The following PTPRK variants were observed in gnomAD, a reference collection of about 807,000 sequenced individuals.
PTPRK encodes the protein receptor-type tyrosine-protein phosphatase kappa.
A neutral mutation model predicts 178.0 loss-of-function variants in PTPRK; 75 were observed. The ratio of observed to expected loss-of-function variants is 0.42; its 90% CI spans 0.35 to 0.51. The LOEUF (loss-of-function observed/expected upper bound fraction) is 0.51, where lower values mean the gene tolerates loss of function less well. Among genes scored for constraint, PTPRK ranks in the 20% least tolerant of loss-of-function variants. PTPRK has a pLI of 0.02. For synonymous variants in PTPRK, 637 were observed against 620.6 expected, an observed-to-expected ratio of 1.03 and a Z score of -0.39; for missense variants, 1,441 against 1,797.8, an observed-to-expected ratio of 0.80 and a Z score of 3.59.
At chr6:128,056,164 C>A (rs1268114679) in intron 13 of PTPRK, among the ~76,000 whole-genome samples, 1 of 151,190 alleles carries the variant, frequency 6.6e-6, no homozygotes. Context: ...TTTGTTTTCC[C>A]CTCCCTCTTT....
intron 6 of PTPRK, among the ~76,000 whole-genome samples, chr6:128,198,524 G>T (rs1192532981): frequency 6.6e-6 from 1 of 152,120 alleles, no homozygotes; most frequent in South Asian, 2.1e-4. Context: ...CCTAATGTAG[G>T]TGATGGGTTG....
At chr6:128,338,109 T>C (rs1831186087) in intron 2 of PTPRK, among the ~76,000 whole-genome samples, 1 of 152,128 alleles carries the variant, frequency 6.6e-6, no homozygotes, top group Non-Finnish European at 1.5e-5. Flanking sequence ...GAGATGAAGG[T>C]TGCTATCATA....
Position 127,976,759 on chromosome 6 carries a change from C to A in PTPRK, c.3867G>T (p.Glu1289Asp), listed in dbSNP as rs199704388. ...LSQGCPQYWP[E>D]EGMLRYGPIQ... ...TGGGGCCATATCGTAGCATCCCTTC[C>A]TCTGGCCAGTACTGAGGGCAGCCCT... Residue 1289 changes from glutamate (E) to aspartate (D), a missense_variant, in exon 27 of 30, where the codon GAG (glutamate) becomes GAT (aspartate). Physicochemically the swap from Glu to Asp is conservative, Grantham distance 45. This residue lies in a region of PTPRK where 335 missense variants were observed against 512.4 expected (regional missense o/e 0.65). Coordinates refer to ENST00000368226, the MANE Select transcript of PTPRK (RefSeq NM_002844.4). 6.2e-7 allele frequency: 1 copy of A among 1,613,846 alleles called. No individual in the cohort carries two copies. The highest frequency in any genetic ancestry group is 8.5e-7 in the Non-Finnish European group (1 of 1,179,928).
intron 13 of PTPRK, among the ~76,000 whole-genome samples, chr6:128,034,999 C>T (rs1176402815): frequency 3.3e-5 from 5 of 152,228 alleles, no homozygotes; most frequent in Non-Finnish European, 2.9e-5. Context: ...TCCATTTATG[C>T]TGGTTAAAGA....
intron 1 of PTPRK, among the ~76,000 whole-genome samples, chr6:128,412,985 G>A (rs2128380546): frequency 6.6e-6 from 1 of 152,268 alleles, no homozygotes; most frequent in African/African-American, 2.4e-5. Context: ...AGAAACTGTT[G>A]GGAGAACAAG....
chr6:128,468,186 T>C (rs936932261), intron 1 of PTPRK, among the ~76,000 whole-genome samples: 2 of 152,184 alleles, frequency 1.3e-5, no homozygotes, highest in African/African-American at 4.8e-5. Flanking sequence ...GAAATCTTAG[T>C]TGATGATGGA....
chr6:128,044,498 C>T (rs1777717947), intron 13 of PTPRK, among the ~76,000 whole-genome samples: 1 of 151,898 alleles, frequency 6.6e-6, no homozygotes, highest in African/African-American at 2.4e-5. Context: ...CTCCTTCACA[C>T]TTAAAACACA....
chr6:128,493,418 T>C (rs530710055), intron 1 of PTPRK, among the ~76,000 whole-genome samples: 96 of 151,738 alleles, frequency 6.3e-4, no homozygotes, highest in Non-Finnish European at 1.0e-3. Flanking sequence ...AAAAATTAGC[T>C]GGGCATGGTG....
chr6:128,006,219 T>C (rs1778397873), intron 14 of PTPRK, among the ~76,000 whole-genome samples: 1 of 150,994 alleles, frequency 6.6e-6, no homozygotes, highest in Admixed American at 6.6e-5. Context: ...TCATGCATTG[T>C]TAGTTTTTTT....
At chr6:128,348,891 A>G (rs1463173303) in intron 2 of PTPRK, among the ~76,000 whole-genome samples, 2 of 152,112 alleles carry the variant, frequency 1.3e-5, no homozygotes, top group Non-Finnish European at 2.9e-5. Flanking sequence ...ATATGTAGGC[A>G]CCACAGCATA....
intron 13 of PTPRK, among the ~76,000 whole-genome samples, chr6:128,014,134 T>G (rs1779343711): frequency 2.0e-5 from 3 of 151,570 alleles, no homozygotes; most frequent in Admixed American, 2.0e-4. Flanking sequence ...ATCAGTTATC[T>G]CCTTAAAAAA....
At chr6:128,269,286 T>C (rs578156398) in intron 3 of PTPRK, among the ~76,000 whole-genome samples, 1 of 152,064 alleles carries the variant, frequency 6.6e-6, no homozygotes, top group East Asian at 1.9e-4. Context: ...ATCTGTAATA[T>C]GTCAGGCACT....
chr6:128,069,410 A>G (rs1233957080), intron 11 of PTPRK, among the ~76,000 whole-genome samples: 2 of 152,172 alleles, frequency 1.3e-5, no homozygotes, highest in African/African-American at 4.8e-5. Flanking sequence ...ATGGTCTCTG[A>G]GGCATCCATG....
chr6:128,050,846 T>C (rs1239317411), intron 13 of PTPRK, among the ~76,000 whole-genome samples: 1 of 152,250 alleles, frequency 6.6e-6, no homozygotes, highest in Non-Finnish European at 1.5e-5. Context: ...CAGCCGATAC[T>C]AGGAATTTTT....
intron 7 of PTPRK, among the ~76,000 whole-genome samples, chr6:128,147,234 T>C (rs1429821835): frequency 6.6e-6 from 1 of 152,190 alleles, no homozygotes; most frequent in African/African-American, 2.4e-5. Context: ...ATGACAATAT[T>C]TAGAAATGTT....
chr6:128,212,924 G>A (rs1808480280), intron 6 of PTPRK, among the ~76,000 whole-genome samples: 1 of 151,946 alleles, frequency 6.6e-6, no homozygotes, highest in Non-Finnish European at 1.5e-5. Context: ...ACTCAGAAAA[G>A]GAGAAAATTA....
chr6:128,516,305 C>T (rs1171144102), intron 1 of PTPRK, among the ~76,000 whole-genome samples: 1 of 152,050 alleles, frequency 6.6e-6, no homozygotes, highest in Non-Finnish European at 1.5e-5. Context: ...AGCAGCCAGA[C>T]TCTCCTCTTT....
intron 1 of PTPRK, among the ~76,000 whole-genome samples, chr6:128,494,201 T>C (rs1333003893): frequency 8.9e-6 from 1 of 112,944 alleles, no homozygotes; most frequent in Non-Finnish European, 1.8e-5. Flanking sequence ...CCCTGTATCT[T>C]AAAAAAAAAA....
intron 1 of PTPRK, among the ~76,000 whole-genome samples, chr6:128,416,845 A>G (rs1842913131): frequency 6.6e-6 from 1 of 151,702 alleles, no homozygotes; most frequent in East Asian, 1.9e-4. Flanking sequence ...AAGATGTGAT[A>G]GCAATAGTCT....
Sources: allele counts gnomAD v4.1 joint callset (sites outside exome capture counted in the v4.1 genomes callset), GRCh38; gene constraint gnomAD v4.1.1; regional missense constraint gnomAD v4.1.1; transcripts MANE v1.5; gene names NCBI Gene and HGNC (gene_info 2026-07-23, HGNC 2026-07-21).